Variants in TRMU observed in about 807,000 individuals in gnomAD.
TRMU encodes mitochondrial tRNA-specific 2-thiouridylase 1.
In TRMU, 49 loss-of-function variants were observed where a neutral mutation model predicts 46.9. The observed-to-expected ratio is 1.05, with a 90% CI of 0.83 to 1.33. The LOEUF is 1.33. TRMU is among the 40% of genes most tolerant of loss of function. The probability of loss-of-function intolerance (pLI) is 0.00; values close to 1 mark genes in which losing one functional copy is unlikely to be tolerated. For synonymous variants in TRMU, 241 were observed against 200.9 expected, an observed-to-expected ratio of 1.20 and a Z score of -1.69; for missense variants, 572 against 532.4, an observed-to-expected ratio of 1.07 and a Z score of -0.73.
chr22:46,346,319 A>C, intron 3 of TRMU, 103 bp from the exon 4 acceptor site: 1 of 1,445,194 alleles, frequency 6.9e-7, no homozygotes, highest in Non-Finnish European at 9.3e-7. Context: ...CCCTCAGCCT[A>C]AGACTTGGGG....
rs748699705 is a variant in TRMU, at chr22:46,335,780, C to A, written c.16C>A (p.His6Asn). 2 of 1,554,906 alleles carry A rather than the reference C, an allele frequency of 1.3e-6. No homozygotes were observed. Among genetic ancestry groups the A allele is most frequent in the East Asian group, 2.4e-5 (1 of 41,512 alleles). The change falls in exon 1 of 11, where the codon CAC (histidine) becomes AAC (asparagine). Residue 6 changes from histidine (H) to asparagine (N), a missense_variant. His to Asn is a moderately conservative substitution (Grantham distance 68). Transcript: ENST00000645190. MQALRHVVCALSGGVD... is the reference protein window; with the variant it reads MQALRNVVCALSGGVD... ...CGACTGGCGGATGCAGGCCTTGCGG[C>A]ACGTCGTGTGCGCCCTGTCCGGCGG...
chr22:46,356,430 G>T (rs2078610501), intron 10 of TRMU: 1 of 426,104 alleles, frequency 2.3e-6, no homozygotes, highest in African/African-American at 2.0e-5. Context: ...TCCCAGGGTG[G>T]GCGCCTGGTG....
chr22:46,348,076 A>G lies in TRMU; in HGVS notation c.478+1532A>G, dbSNP rs550275055. Among the ~76,000 whole-genome samples the G allele has an allele frequency of 6.6e-6, 1 of 151,712 alleles. No individual in the cohort carries two copies. The highest frequency in any genetic ancestry group is 2.1e-4 in the South Asian group (1 of 4,794). ...CAGGAAGACATGGGTTTGAATGCAG[A>G]TAAGACAGCCCCCCATTTCAGGAAG... On this transcript the variant is annotated intron_variant, in intron 4 of 10. Coordinates refer to ENST00000645190, the MANE Select transcript of TRMU (RefSeq NM_018006.5). The surrounding 1 kb of genome is among the most constrained non-coding windows in gnomAD (Gnocchi z 4.8).
rs2078025230 is a variant in TRMU at position 46,338,006 on chromosome 22, A to C, written c.248+62A>C. The C allele has an allele frequency of 6.2e-7, 1 of 1,608,738 alleles. No homozygotes were observed. Among genetic ancestry groups the C allele is most frequent in the African/African-American group, 1.3e-5 (1 of 74,920 alleles). ...CACTGTGGATCCTTGCAGTGGAAGG[A>C]TCCGGTAACCAGCCAGACCGACGCC... On this transcript the variant is annotated intron_variant, in intron 2 of 10. Transcript: ENST00000645190. This position sits in a 1 kb window ranked among gnomAD's most constrained non-coding sequence, Gnocchi z 4.5.
rs950548389 is a variant in TRMU, at chr22:46,348,384, C to A, written c.478+1840C>A. 3.3e-5 allele frequency among the ~76,000 whole-genome samples: 5 copies of A among 152,216 alleles called. No individual in the cohort carries two copies. Among genetic ancestry groups the A allele is most frequent in the African/African-American group, 1.2e-4 (5 of 41,462 alleles). On this transcript the variant is annotated intron_variant, in intron 4 of 10. Transcript: ENST00000645190. The surrounding 1 kb of genome is among the most constrained non-coding windows in gnomAD (Gnocchi z 4.8). ...TTGTGATGGTGCACAGTGTCTTGGC[C>A]TTCACTGGGTTTTGTAGGCACACTA...
rs992987886 is a variant in TRMU at position 46,338,479 on chromosome 22, G to A, written c.248+535G>A. Among the ~76,000 whole-genome samples, 8 of 152,218 alleles carry A rather than the reference G, an allele frequency of 5.3e-5. No individual in the cohort carries two copies. The highest frequency in any genetic ancestry group is 1.0e-4 in the Non-Finnish European group (7 of 68,040). On this transcript the variant is annotated intron_variant, in intron 2 of 10. Transcript: ENST00000645190. This position sits in a 1 kb window ranked among gnomAD's most constrained non-coding sequence, Gnocchi z 4.5. ...GTGACCTGGCTCTGTAGGAGTTTGCGGTCTAGTTGGGAGGACATTATCTTC... is the reference window on the plus strand; with the variant it reads ...GTGACCTGGCTCTGTAGGAGTTTGCAGTCTAGTTGGGAGGACATTATCTTC...
Position 46,351,718 on chromosome 22 carries a change from C to G in TRMU, c.652-403C>G, listed in dbSNP as rs2078432048. ...ATGTGCTTGAGGAAGGCGCCTCTCT[C>G]CTCTGACTCCCCTGGAGCCCTCCCC... is the stretch of plus-strand genomic sequence containing the variant. On this transcript the variant is annotated intron_variant, in intron 5 of 10. Transcript: ENST00000645190. The surrounding 1 kb of genome is among the most constrained non-coding windows in gnomAD (Gnocchi z 6.4). The G allele has an allele frequency of 2.9e-6, 1 of 340,584 alleles. No homozygotes were observed. The highest frequency in any genetic ancestry group is 2.5e-5 in the South Asian group (1 of 39,546). The allele number at this position is 340,584 out of a possible 1,614,324, so 21.1% of individuals were successfully genotyped here. A position where few individuals can be genotyped will look rare whatever the true frequency, so the allele number is the denominator to read the frequency against.
rs368365170 is a variant in TRMU, at chr22:46,353,741, C to G, written c.773-26C>G. ...TGTGGGCTGTAACTTGTTGCCCAGC[C>G]TCATGGAGAAACTGTCTTTCTGTAG... On this transcript the variant is annotated intron_variant, in intron 7 of 10. Transcript: ENST00000645190. The G allele has an allele frequency of 2.5e-6, 4 of 1,609,750 alleles. No individual in the cohort carries two copies. In the South Asian group the frequency reaches 4.4e-5, roughly 18 times the overall value.
Position 46,352,332 on chromosome 22 carries a change from T to G in TRMU, c.772+2T>G, listed in dbSNP as rs2147096093. On this transcript the variant is annotated splice_donor_variant, in intron 7 of 10. Coordinates refer to ENST00000645190, the MANE Select transcript of TRMU (RefSeq NM_018006.5). LOFTEE classifies it high-confidence loss of function. ...ATAAGGTTCTGGGAACACATAAAGG[T>G]GAGGTGCAGACTCTGCCACTTGTCA... The G allele has an allele frequency of 2.5e-6, 4 of 1,613,924 alleles. No individual in the cohort carries two copies. The highest frequency in any genetic ancestry group is 3.4e-6 in the Non-Finnish European group (4 of 1,180,004).
rs933287199 is a variant in TRMU at position 46,348,375 on chromosome 22, T to C, written c.478+1831T>C. On this transcript the variant is annotated intron_variant, in intron 4 of 10. Transcript: ENST00000645190. The surrounding 1 kb of genome is among the most constrained non-coding windows in gnomAD (Gnocchi z 4.8). ...ATGTGGGAATTGTGATGGTGCACAG[T>C]GTCTTGGCCTTCACTGGGTTTTGTA... Among the ~76,000 whole-genome samples, 2 of 152,228 alleles carry C rather than the reference T, an allele frequency of 1.3e-5. No homozygotes were observed. Among genetic ancestry groups the C allele is most frequent in the African/African-American group, 4.8e-5 (2 of 41,458 alleles).
intron 9 of TRMU, 195 bp downstream of exon 9, chr22:46,355,783 C>G: frequency 9.2e-7 from 1 of 1,081,966 alleles, no homozygotes. Flanking sequence ...GGAGCAGATG[C>G]AGGCAGGCCC....
rs911441966 is a variant in TRMU, at chr22:46,351,809, C to G, written c.652-312C>G. 8 of 467,204 alleles carry G rather than the reference C, an allele frequency of 1.7e-5. No individual in the cohort carries two copies. The highest frequency in any genetic ancestry group is 6.1e-5 in the South Asian group (3 of 48,818). 28.9% of individuals were successfully genotyped at this position (467,204 alleles called of 1,614,324 possible). A position where few individuals can be genotyped will look rare whatever the true frequency, so the allele number is the denominator to read the frequency against. On this transcript the variant is annotated intron_variant, in intron 5 of 10. Transcript: ENST00000645190. The surrounding 1 kb of genome is among the most constrained non-coding windows in gnomAD (Gnocchi z 6.4). ...CCTTCTCTGGTCCCTGTCTCTCCCCCACTCCTCGCAGGACAGTGGCCTGAA... is the reference window on the plus strand; with the variant it reads ...CCTTCTCTGGTCCCTGTCTCTCCCCGACTCCTCGCAGGACAGTGGCCTGAA...
At chr22:46,346,819 G>A (rs2078271573) in intron 4 of TRMU, among the ~76,000 whole-genome samples, 1 of 152,232 alleles carries the variant, frequency 6.6e-6, no homozygotes, top group African/African-American at 2.4e-5. Context: ...GACACTGTGT[G>A]GTGATTTGAA....
At position 46,353,330 on chromosome 22, in the gene TRMU, G is replaced by A. The variant is rs531065671; in HGVS notation, c.773-437G>A. 15 of 237,716 alleles carry A rather than the reference G, an allele frequency of 6.3e-5. No individual in the cohort carries two copies. In the East Asian group the frequency reaches 1.4e-3, roughly 23 times the overall value. The allele number at this position is 237,716 out of a possible 1,614,324, so 14.7% of individuals were successfully genotyped here. A position where few individuals can be genotyped will look rare whatever the true frequency, so the allele number is the denominator to read the frequency against. ...GGAGGCAGTGAGTTTGCCATCTGCTGTGTGACATTGTGAGGGTGCGCAGAG... is the reference window on the plus strand; with the variant it reads ...GGAGGCAGTGAGTTTGCCATCTGCTATGTGACATTGTGAGGGTGCGCAGAG... On this transcript the variant is annotated intron_variant, in intron 7 of 10. Coordinates refer to ENST00000645190, the MANE Select transcript of TRMU (RefSeq NM_018006.5).
At position 46,336,082 on chromosome 22, in the gene TRMU, C is replaced by T. The variant is rs547379594; in HGVS notation, c.82+236C>T. 20 of 1,375,072 alleles carry T rather than the reference C, an allele frequency of 1.5e-5. No individual in the cohort carries two copies. In the African/African-American group the frequency reaches 2.8e-4, roughly 19 times the overall value. 85.2% of individuals were successfully genotyped at this position (1,375,072 alleles called of 1,614,324 possible). A position where few individuals can be genotyped will look rare whatever the true frequency, so the allele number is the denominator to read the frequency against. Reference sequence around the variant, plus strand: ...TACCTGGGAGCAGTTCCGCGCCCCTCTCCACCCACGCGCGCCCACCCACAG... The same window carrying T: ...TACCTGGGAGCAGTTCCGCGCCCCTTTCCACCCACGCGCGCCCACCCACAG... On this transcript the variant is annotated intron_variant, in intron 1 of 10. Transcript: ENST00000645190. The surrounding 1 kb of genome is among the most constrained non-coding windows in gnomAD (Gnocchi z 4.1).
In TRMU at chr22:46,335,755, C is replaced by G. The variant is rs1345830928; in HGVS notation, c.-10C>G. ...GGTAGCTGCAGCTGGCGAAGTTGGGCGACTGGCGGATGCAGGCCTTGCGGC... is the reference window on the plus strand; with the variant it reads ...GGTAGCTGCAGCTGGCGAAGTTGGGGGACTGGCGGATGCAGGCCTTGCGGC... On this transcript the variant is annotated 5_prime_UTR_variant, in exon 1 of 11. Coordinates refer to ENST00000645190, the MANE Select transcript of TRMU (RefSeq NM_018006.5). 7 of 1,548,904 alleles carry G rather than the reference C, an allele frequency of 4.5e-6. No homozygotes were observed. Among genetic ancestry groups the G allele is most frequent in the African/African-American group, 2.7e-5 (2 of 73,076 alleles).
chr22:46,346,370 G>C lies in TRMU; in HGVS notation c.356-52G>C, dbSNP rs547617426. ...TGTGCCTTGGTTTATGCTGATCAAG[G>C]CCTGCAAGTATGAGTCTAAAACCTG... is the stretch of plus-strand genomic sequence containing the variant. On this transcript the variant is annotated intron_variant, in intron 3 of 10. Coordinates refer to ENST00000645190, the MANE Select transcript of TRMU (RefSeq NM_018006.5). The C allele has an allele frequency of 1.9e-6, 3 of 1,595,668 alleles. No individual in the cohort carries two copies. The Admixed American group carries it at 5.1e-5, about 27-fold the overall frequency.
Position 46,356,438 on chromosome 22 carries a change from G to T in TRMU, c.1101+366G>T, listed in dbSNP as rs77106698. 293 of 425,574 alleles carry T rather than the reference G, an allele frequency of 6.9e-4. 1 individual carries two copies. The East Asian group carries it at 0.01, about 15-fold the overall frequency. The allele number at this position is 425,574 out of a possible 1,614,324, so 26.4% of individuals were successfully genotyped here. ...CAGGAGCTCCCAGGGTGGGCGCCTG[G>T]TGGGTGTAGGCCTGAGGAATCTCCA... On this transcript the variant is annotated intron_variant, in intron 10 of 10. Transcript: ENST00000645190.
chr22:46,355,223 A>T, intron 8 of TRMU: 1 of 661,330 alleles, frequency 1.5e-6, no homozygotes, highest in Non-Finnish European at 2.6e-6. Context: ...CTGACATGGT[A>T]CTTCCTTCCT....
Sources: allele counts gnomAD v4.1 joint callset (sites outside exome capture counted in the v4.1 genomes callset), GRCh38; gene constraint gnomAD v4.1.1; non-coding constraint Gnocchi (gnomAD v3.1); transcripts MANE v1.5; gene names NCBI Gene and HGNC (gene_info 2026-07-23, HGNC 2026-07-21).